Variants in FILIP1 observed in about 807,000 individuals in gnomAD.
FILIP1 encodes filamin-A-interacting protein 1.
FILIP1 carries 61 observed loss-of-function variants against 102.1 expected under a neutral mutation model. The observed-to-expected ratio is 0.60, with a 90% CI of 0.49 to 0.74. The LOEUF (loss-of-function observed/expected upper bound fraction) is 0.74. FILIP1 is among the 30% of genes least tolerant of loss of function. The probability of loss-of-function intolerance (pLI) is 0.00; values close to 1 mark genes in which losing one functional copy is unlikely to be tolerated. For synonymous variants in FILIP1, 491 were observed against 526.9 expected, an observed-to-expected ratio of 0.93 and a Z score of 0.93; for missense variants, 1,314 against 1,441.2, an observed-to-expected ratio of 0.91 and a Z score of 1.43.
chr6:75,385,128 G>C (rs1356731814), intron 2 of FILIP1, among the ~76,000 whole-genome samples: 2 of 151,986 alleles, frequency 1.3e-5, no homozygotes, highest in Admixed American at 6.6e-5. Context: ...TAAAGAAATA[G>C]AAATTCAAAG....
downstream of FILIP1, among the ~76,000 whole-genome samples, chr6:75,306,507 C>T (rs1253287532): frequency 6.6e-6 from 1 of 152,200 alleles, no homozygotes; most frequent in African/African-American, 2.4e-5. Context: ...ACACTAAATA[C>T]TTCACAAATG....
chr6:75,412,726 A>T (rs1187604222), intron 2 of FILIP1, among the ~76,000 whole-genome samples: 6 of 152,188 alleles, frequency 3.9e-5, no homozygotes, highest in African/African-American at 1.4e-4. Context: ...AACATAGCTA[A>T]ATCTGCATTT....
Position 75,452,694 on chromosome 6 carries a change from A to C in FILIP1, c.-6-37716T>G, listed in dbSNP as rs547411342. Among the ~76,000 whole-genome samples, 7 of 152,354 alleles carry C rather than the reference A, an allele frequency of 4.6e-5. No homozygotes were observed. The East Asian group carries it at 1.2e-3, about 25-fold the overall frequency. On this transcript the variant is annotated intron_variant, in intron 1 of 5. Transcript: ENST00000237172. ...AAAACTATGTCTTGTGCATAATACT[A>C]ATCTTGTGACTATAGTATATAAGTA...
chr6:75,408,854 A>T (rs1019241261), intron 2 of FILIP1, among the ~76,000 whole-genome samples: 6 of 152,144 alleles, frequency 3.9e-5, no homozygotes, highest in African/African-American at 1.4e-4. Context: ...CTGCACTGTT[A>T]CACAACTCCA....
chr6:75,353,766 T>G (rs1427002835), intron 3 of FILIP1, 49 bp from the exon 4 acceptor site: 1 of 1,580,458 alleles, frequency 6.3e-7, no homozygotes, highest in Non-Finnish European at 8.6e-7. Flanking sequence ...TGCATTTGCA[T>G]AGGACTCTAA....
chr6:75,308,147 GA>G lies in FILIP1; in HGVS notation c.*543del. On this transcript the variant is annotated 3_prime_UTR_variant, in exon 6 of 6. Transcript: ENST00000237172. ...CACATTATTTCCTGAAATCATCTTAGAACCTTTTGTTTTTGCAAAATTTTAG... is the reference window on the plus strand; with the variant it reads ...CACATTATTTCCTGAAATCATCTTAGACCTTTTGTTTTTGCAAAATTTTAG... 27 of 986,336 alleles carry G rather than the reference GA, an allele frequency of 2.7e-5. No homozygotes were observed. The highest frequency in any genetic ancestry group is 3.1e-5 in the Non-Finnish European group (26 of 830,344). The allele number at this position is 986,336 out of a possible 1,614,324, so 61.1% of individuals were successfully genotyped here.
chr6:75,487,530 G>A (rs1779824567), intron 1 of FILIP1, among the ~76,000 whole-genome samples: 1 of 151,896 alleles, frequency 6.6e-6, no homozygotes, highest in Non-Finnish European at 1.5e-5. Context: ...CCATTATTGT[G>A]TCATCTATGA....
chr6:75,327,505 G>C (rs900094643), intron 4 of FILIP1, among the ~76,000 whole-genome samples: 1 of 150,854 alleles, frequency 6.6e-6, no homozygotes, highest in Non-Finnish European at 1.5e-5. Context: ...GGTAGGGCAG[G>C]ATCAGTATTT....
chr6:75,354,190 A>G (rs1774907146), intron 3 of FILIP1, among the ~76,000 whole-genome samples: 1 of 152,178 alleles, frequency 6.6e-6, no homozygotes, highest in Admixed American at 6.5e-5. Flanking sequence ...ATGCTAAGCA[A>G]TTTTCCAAAG....
intron 1 of FILIP1, among the ~76,000 whole-genome samples, chr6:75,419,663 C>A (rs866371809): frequency 2.0e-5 from 3 of 152,106 alleles, no homozygotes; most frequent in South Asian, 4.1e-4. Context: ...ATACCCAAGG[C>A]ACCCAAAACT....
intron 1 of FILIP1, among the ~76,000 whole-genome samples, chr6:75,434,972 A>G (rs946313996): frequency 4.6e-5 from 7 of 152,188 alleles, no homozygotes; most frequent in African/African-American, 1.7e-4. Context: ...CATTCTGTTT[A>G]TATGATGGAT....
intron 2 of FILIP1, among the ~76,000 whole-genome samples, chr6:75,363,541 G>A (rs908571569): frequency 1.2e-5 from 1 of 80,998 alleles, no homozygotes; most frequent in Non-Finnish European, 2.9e-5. Flanking sequence ...ACATCAGACT[G>A]TCAGTTAGAT....
At chr6:75,307,096 C>T (rs1773010379), downstream of FILIP1, among the ~76,000 whole-genome samples, 1 of 152,194 alleles carries the variant, frequency 6.6e-6, no homozygotes, top group Non-Finnish European at 1.5e-5. Context: ...AGCCACCATG[C>T]CTAGCTACTC....
intron 2 of FILIP1, among the ~76,000 whole-genome samples, chr6:75,368,122 A>G (rs1179006388): frequency 6.6e-6 from 1 of 152,220 alleles, no homozygotes. Context: ...TCCATCAGAC[A>G]TAGTTCTTTG....
chr6:75,449,352 T>C (rs996309212), intron 1 of FILIP1, among the ~76,000 whole-genome samples: 2 of 152,106 alleles, frequency 1.3e-5, no homozygotes, highest in African/African-American at 4.8e-5. Context: ...CAGTGAGAGA[T>C]AAAAGACTGC....
chr6:75,451,156 A>G (rs1778618987), intron 1 of FILIP1, among the ~76,000 whole-genome samples: 1 of 151,600 alleles, frequency 6.6e-6, no homozygotes, highest in Non-Finnish European at 1.5e-5. Context: ...AACTGCTTTG[A>G]TATGTTGATC....
intron 4 of FILIP1, among the ~76,000 whole-genome samples, chr6:75,320,689 T>C (rs1773622869): frequency 6.6e-6 from 1 of 152,256 alleles, no homozygotes; most frequent in Admixed American, 6.5e-5. Context: ...TAAACAGATA[T>C]TGCAGTTGTT....
rs190889110 is a variant in FILIP1, at chr6:75,319,488, T to A, written c.630-4286A>T. ...TCCGCCTTTGCCATATCTTCAAATT[T>A]TCCTTTCTCTTCAGCAGACATGGTC... On this transcript the variant is annotated intron_variant, in intron 4 of 5. Transcript: ENST00000237172. 2,075 of 594,072 alleles carry A rather than the reference T, an allele frequency of 3.5e-3. 5 individuals carry two copies. The highest frequency in any genetic ancestry group is 5.7e-3 in the Non-Finnish European group (1,713 of 303,030). The allele number at this position is 594,072 out of a possible 1,614,324, so 36.8% of individuals were successfully genotyped here.
At position 75,392,494 on chromosome 6, in the gene FILIP1, G is replaced by A. The variant is rs143128931; in HGVS notation, c.276+22203C>T. 5.5e-4 allele frequency among the ~76,000 whole-genome samples: 83 copies of A among 152,244 alleles called. 2 individuals are homozygous for A. The East Asian group carries it at 0.015, about 28-fold the overall frequency. ...TCCACCTATAGTCTTCTCCATCTCA[G>A]TAAATGACAACCCATTTCCCATTTG... On this transcript the variant is annotated intron_variant, in intron 2 of 5. Coordinates refer to ENST00000237172, the MANE Select transcript of FILIP1 (RefSeq NM_015687.5).
Sources: allele counts gnomAD v4.1 joint callset (sites outside exome capture counted in the v4.1 genomes callset), GRCh38; gene constraint gnomAD v4.1.1; transcripts MANE v1.5; gene names NCBI Gene and HGNC (gene_info 2026-07-23, HGNC 2026-07-21).